LINGO2: variants seen among roughly 807,000 people sequenced by gnomAD.
The protein encoded by LINGO2 is leucine-rich repeat and immunoglobulin-like domain-containing nogo receptor-interacting protein 2.
Under a neutral mutation model 30.6 loss-of-function variants are expected in LINGO2, and 14 were observed. The ratio of observed to expected loss-of-function variants is 0.46; its 90% CI spans 0.30 to 0.72. The LOEUF is 0.72. LINGO2 is among the 30% of genes least tolerant of loss of function. The pLI is 0.07. For synonymous variants in LINGO2, 317 were observed against 288.5 expected, an observed-to-expected ratio of 1.10 and a Z score of -1.00; for missense variants, 729 against 751.7, an observed-to-expected ratio of 0.97 and a Z score of 0.35.
chr9:28,928,581 C>T, the LINGO2 span, among the ~76,000 whole-genome samples: 4 of 152,046 alleles, frequency 2.6e-5, no homozygotes, highest in African/African-American at 9.7e-5. Flanking sequence ...AGAACATTTC[C>T]CTGCTAAATG....
At chr9:29,051,986 C>T in the LINGO2 span, among the ~76,000 whole-genome samples, 1 of 152,126 alleles carries the variant, frequency 6.6e-6, no homozygotes, top group African/African-American at 2.4e-5. Context: ...ATATATAATT[C>T]TACATCATTC....
chr9:28,460,475 G>T (rs1398407931), intron 2 of LINGO2, among the ~76,000 whole-genome samples: 1 of 152,034 alleles, frequency 6.6e-6, no homozygotes, highest in Non-Finnish European at 1.5e-5. Context: ...GACTTTTAAA[G>T]TCCAGATTAT....
the LINGO2 span, among the ~76,000 whole-genome samples, chr9:29,170,276 G>C: frequency 6.6e-6 from 1 of 152,036 alleles, no homozygotes; most frequent in Non-Finnish European, 1.5e-5. Context: ...CCATAAAAAA[G>C]AATAAAACTA....
At chr9:28,756,273 G>T in the LINGO2 span, among the ~76,000 whole-genome samples, 1 of 151,946 alleles carries the variant, frequency 6.6e-6, no homozygotes, top group Non-Finnish European at 1.5e-5. Context: ...ACTAGCATGG[G>T]GCCTGTAGTC....
At chr9:28,512,565 G>T (rs1178206374) in intron 1 of LINGO2, among the ~76,000 whole-genome samples, 1 of 110,164 alleles carries the variant, frequency 9.1e-6, no homozygotes, top group Non-Finnish European at 1.8e-5. Context: ...TTCTCTAGAG[G>T]GACAGAACTA....
At chr9:28,345,190 C>T (rs1314496680) in intron 3 of LINGO2, among the ~76,000 whole-genome samples, 1 of 152,012 alleles carries the variant, frequency 6.6e-6, no homozygotes, top group African/African-American at 2.4e-5. Context: ...ATGTAGCACC[C>T]AACAGGGACA....
At chr9:28,741,076 C>T in the LINGO2 span, among the ~76,000 whole-genome samples, 1 of 151,908 alleles carries the variant, frequency 6.6e-6, no homozygotes, top group Non-Finnish European at 1.5e-5. Flanking sequence ...ATGCAGCCTA[C>T]TGGATCCAGG....
At chr9:28,108,155 G>A (rs546969662) in intron 4 of LINGO2, among the ~76,000 whole-genome samples, 12 of 152,182 alleles carry the variant, frequency 7.9e-5, no homozygotes, top group South Asian at 6.2e-4. Context: ...ACTCGATTCC[G>A]AAAGCTCTCT....
chr9:28,056,623 G>A (rs942994242), intron 4 of LINGO2, among the ~76,000 whole-genome samples: 1 of 152,252 alleles, frequency 6.6e-6, no homozygotes, highest in South Asian at 2.1e-4. Flanking sequence ...GACCTAGCAA[G>A]AAAACCATAA....
At chr9:28,053,484 A>G (rs1321078628) in intron 4 of LINGO2, among the ~76,000 whole-genome samples, 1 of 152,162 alleles carries the variant, frequency 6.6e-6, no homozygotes, top group Non-Finnish European at 1.5e-5. Flanking sequence ...TGACAAAAAT[A>G]GAATAGAAAC....
intron 1 of LINGO2, among the ~76,000 whole-genome samples, chr9:28,529,551 C>A (rs1821150764): frequency 6.6e-6 from 1 of 151,598 alleles, no homozygotes; most frequent in African/African-American, 2.4e-5. Flanking sequence ...GATTTAAAGC[C>A]CTAACTAAAC....
At chr9:28,608,739 G>C (rs758102858) in intron 1 of LINGO2, among the ~76,000 whole-genome samples, 8 of 151,936 alleles carry the variant, frequency 5.3e-5, no homozygotes, top group Non-Finnish European at 1.2e-4. Context: ...CTAGAGAGAA[G>C]CATGCTTCAC....
chr9:28,510,125 T>C (rs1820311563), intron 1 of LINGO2, among the ~76,000 whole-genome samples: 2 of 152,194 alleles, frequency 1.3e-5, no homozygotes, highest in Non-Finnish European at 2.9e-5. Flanking sequence ...TTGTGGAAAG[T>C]GAGACATTTT....
At chr9:28,969,507 T>C in the LINGO2 span, among the ~76,000 whole-genome samples, 3 of 152,242 alleles carry the variant, frequency 2.0e-5, no homozygotes, top group Non-Finnish European at 4.4e-5. Context: ...TTAGATGTTT[T>C]TGAGCTGGTT....
the LINGO2 span, among the ~76,000 whole-genome samples, chr9:29,194,549 C>T: frequency 1.3e-5 from 2 of 152,166 alleles, no homozygotes; most frequent in African/African-American, 2.4e-5. Flanking sequence ...GGACTTTGTC[C>T]TTTGATTTTT....
the LINGO2 span, among the ~76,000 whole-genome samples, chr9:28,731,922 T>C: frequency 6.6e-6 from 1 of 152,128 alleles, no homozygotes; most frequent in Non-Finnish European, 1.5e-5. Flanking sequence ...GAGATAAATA[T>C]ACAGATCATT....
intron 1 of LINGO2, among the ~76,000 whole-genome samples, chr9:28,595,298 TG>T (rs946740098): frequency 6.6e-6 from 1 of 152,076 alleles, no homozygotes; most frequent in Non-Finnish European, 1.5e-5. Flanking sequence ...TTCATTTGCT[TG>T]TTTGTTTGTT....
chr9:28,837,681 T>TATATATATATATATATATATATATATC, the LINGO2 span, among the ~76,000 whole-genome samples: 1 of 130,830 alleles, frequency 7.6e-6, no homozygotes, highest in African/African-American at 2.9e-5. Flanking sequence ...TATATATATA[T>TATATATATATATATATATATATATATC]TTAGGATAAC....
At chr9:28,728,851 C>T in the LINGO2 span, among the ~76,000 whole-genome samples, 1 of 152,110 alleles carries the variant, frequency 6.6e-6, no homozygotes, top group South Asian at 2.1e-4. Context: ...CAGCAATCAA[C>T]AGTGCCAAGA....
Sources: allele counts gnomAD v4.1 joint callset (sites outside exome capture counted in the v4.1 genomes callset), GRCh38; gene constraint gnomAD v4.1.1; transcripts MANE v1.5; gene names NCBI Gene and HGNC (gene_info 2026-07-23, HGNC 2026-07-21).